ITPR2: variants seen among roughly 807,000 people sequenced by gnomAD.
ITPR2 encodes inositol 1,4,5-trisphosphate receptor type 2.
A neutral mutation model predicts 317.1 loss-of-function variants in ITPR2; 207 were observed. That is an observed-to-expected ratio of 0.65 (90% CI 0.58 to 0.73). ITPR2 has a LOEUF of 0.73. ITPR2 is among the 30% of genes least tolerant of loss of function. The pLI is 0.00. For synonymous variants in ITPR2, 1,156 were observed against 1,149.1 expected (o/e 1.01, Z -0.12); for missense variants, 2,613 against 3,284.0 (o/e 0.80, Z 4.99).
intron 42 of ITPR2, among the ~76,000 whole-genome samples, chr12:26,482,689 A>G (rs1281527247): frequency 6.6e-6 from 1 of 152,214 alleles, no homozygotes; most frequent in African/African-American, 2.4e-5. Flanking sequence ...AAATACCCCC[A>G]TAACAAATTG....
chr12:26,731,656 A>C (rs74422042), intron 2 of ITPR2, among the ~76,000 whole-genome samples: 9,314 of 152,182 alleles, frequency 0.061, 367 homozygotes, highest in African/African-American at 0.12. Context: ...TTAAAAAATC[A>C]GCTGGGGGCA....
chr12:26,771,288 C>A (rs1478360573), intron 2 of ITPR2, among the ~76,000 whole-genome samples: 7 of 152,086 alleles, frequency 4.6e-5, no homozygotes, highest in African/African-American at 1.7e-4. Context: ...CAGGAGCCCT[C>A]CTGAAGGAAG....
At chr12:26,697,636 C>T (rs1331274353) in intron 9 of ITPR2, among the ~76,000 whole-genome samples, 1 of 152,014 alleles carries the variant, frequency 6.6e-6, no homozygotes, top group African/African-American at 2.4e-5. Context: ...TGGTAAGACC[C>T]CGTCTCTACT....
At chr12:26,711,096 G>T in intron 9 of ITPR2, 77 bp downstream of exon 9, 2 of 896,288 alleles carry the variant, frequency 2.2e-6, no homozygotes, top group Non-Finnish European at 3.7e-6. Context: ...CAAATACGAT[G>T]TCTTGTGGCG....
chr12:26,613,425 T>C (rs61920356), intron 26 of ITPR2, among the ~76,000 whole-genome samples: 3,191 of 152,232 alleles, frequency 0.021, 41 homozygotes, highest in South Asian at 0.042. Flanking sequence ...AAACATCTCT[T>C]TATAGTAGCA....
chr12:26,581,878 T>C (rs901843133), intron 32 of ITPR2, among the ~76,000 whole-genome samples: 2 of 152,186 alleles, frequency 1.3e-5, no homozygotes, highest in Non-Finnish European at 2.9e-5. Context: ...ACCTCCCTCA[T>C]TCAGTGACAT....
At chr12:26,702,690 T>C (rs899581431) in intron 9 of ITPR2, among the ~76,000 whole-genome samples, 9 of 152,194 alleles carry the variant, frequency 5.9e-5, no homozygotes, top group Admixed American at 4.6e-4. Context: ...TCTGCCCACC[T>C]TGGCCTCCCA....
At chr12:26,588,778 C>T (rs1350525673) in intron 32 of ITPR2, among the ~76,000 whole-genome samples, 1 of 152,184 alleles carries the variant, frequency 6.6e-6, no homozygotes, top group Non-Finnish European at 1.5e-5. Flanking sequence ...GTCTTGTTAA[C>T]CAGTGACTGA....
At chr12:26,425,441 G>GCC (rs202048709) in intron 49 of ITPR2, among the ~76,000 whole-genome samples, 2,003 of 152,140 alleles carry the variant, frequency 0.013, 40 homozygotes, top group African/African-American at 0.045. Flanking sequence ...GGCCAAGGCG[G>GCC]GTGGATCATG....
At chr12:26,341,646 T>A (rs1938116521) in intron 55 of ITPR2, among the ~76,000 whole-genome samples, 1 of 152,246 alleles carries the variant, frequency 6.6e-6, no homozygotes, top group African/African-American at 2.4e-5. Context: ...CTAATTAGCA[T>A]TTCAAAGGTG....
intron 37 of ITPR2, among the ~76,000 whole-genome samples, chr12:26,499,154 A>G (rs1943016063): frequency 6.6e-6 from 1 of 152,228 alleles, no homozygotes; most frequent in Non-Finnish European, 1.5e-5. Flanking sequence ...ATTGAAAACC[A>G]ACCAAAGAGT....
chr12:26,465,216 G>A (rs149905960), intron 45 of ITPR2, among the ~76,000 whole-genome samples: 18 of 152,296 alleles, frequency 1.2e-4, no homozygotes, highest in Admixed American at 3.9e-4. Flanking sequence ...AGGAGATTGC[G>A]CTGGGCAAAA....
chr12:26,391,002 A>G (rs1449201469), intron 54 of ITPR2, among the ~76,000 whole-genome samples: 1 of 152,208 alleles, frequency 6.6e-6, no homozygotes, highest in Non-Finnish European at 1.5e-5. Context: ...CCAAGGGAGC[A>G]TAAAGAAGGG....
At chr12:26,817,172 G>T (rs1484014643) in intron 1 of ITPR2, among the ~76,000 whole-genome samples, 3 of 104,040 alleles carry the variant, frequency 2.9e-5, no homozygotes, top group African/African-American at 1.3e-4. Flanking sequence ...CAGACCGAGA[G>T]TCTCTTTCAA....
intron 55 of ITPR2, among the ~76,000 whole-genome samples, chr12:26,365,775 A>G (rs1938989378): frequency 6.6e-6 from 1 of 152,248 alleles, no homozygotes; most frequent in African/African-American, 2.4e-5. Context: ...TGAAGAGGGC[A>G]GCCAACGTGT....
chr12:26,466,320 T>G (rs981273417), intron 45 of ITPR2, among the ~76,000 whole-genome samples: 28 of 152,322 alleles, frequency 1.8e-4, no homozygotes, highest in Admixed American at 3.3e-4. Flanking sequence ...TAAATGCCAG[T>G]AAAAAGTTGG....
At chr12:26,649,980 T>C (rs1049616942) in intron 21 of ITPR2, among the ~76,000 whole-genome samples, 1 of 152,224 alleles carries the variant, frequency 6.6e-6, no homozygotes, top group African/African-American at 2.4e-5. Context: ...TTTATCTTGT[T>C]CATTACTTAT....
At chr12:26,448,659 T>C (rs1207884195) in intron 45 of ITPR2, among the ~76,000 whole-genome samples, 2 of 152,126 alleles carry the variant, frequency 1.3e-5, no homozygotes, top group African/African-American at 2.4e-5. Flanking sequence ...ATCCAAAGCA[T>C]TGGTGGATAG....
chr12:26,599,239 T>G lies in ITPR2; in HGVS notation c.3908A>C (p.His1303Pro). ...CCTCAGGTACTCCACGTGGCGGCCATGTGTCTCAATGCAGTGCACAAAGTG... is the reference window on the plus strand; with the variant it reads ...CCTCAGGTACTCCACGTGGCGGCCAGGTGTCTCAATGCAGTGCACAAAGTG... ...VQHFVHCIET[H>P]GRHVEYLRFL... The change falls in exon 30 of 57, where the codon CAT becomes CCT. Residue 1303 changes from histidine (H) to proline (P), a missense_variant. By Grantham distance (77) the His-to-Pro change is moderately conservative (BLOSUM62 -2). Transcript: ENST00000381340. The G allele has an allele frequency of 6.2e-7, 1 of 1,614,082 alleles. No homozygotes were observed. Among genetic ancestry groups the G allele is most frequent in the Non-Finnish European group, 8.5e-7 (1 of 1,179,920 alleles).
Sources: gnomAD v4.1 joint callset for allele counts (sites outside exome capture counted in the v4.1 genomes callset) on GRCh38, gnomAD v4.1.1 for gene constraint, MANE v1.5 for transcripts, NCBI Gene and HGNC (gene_info 2026-07-23, HGNC 2026-07-21) for gene names.